Variants in DHX34 observed in about 807,000 individuals in gnomAD.
DHX34 encodes the protein DExH-box helicase 34, also known as probable ATP-dependent RNA helicase DHX34.
DHX34 carries 96 observed loss-of-function variants against 111.1 expected under a neutral mutation model. That is an observed-to-expected ratio of 0.86 (90% confidence interval 0.73 to 1.02). The LOEUF is 1.02. Among genes scored for constraint, DHX34 ranks in the 50% least tolerant of loss-of-function variants. DHX34 has a pLI of 0.00. For missense variants in DHX34, 1,560 were observed against 1,579.9 expected, an observed-to-expected ratio of 0.99 and a Z score of 0.21; for synonymous variants, 688 against 670.4, an observed-to-expected ratio of 1.03 and a Z score of -0.41.
intron 3 of DHX34, chr19:47,357,627 A>AC (rs1969495167): frequency 4.0e-6 from 2 of 505,206 alleles, no homozygotes; most frequent in African/African-American, 2.1e-5. Flanking sequence ...ATCCAGACTG[A>AC]AATGTCAATC....
At chr19:47,371,820 G>C (rs886537389) in intron 7 of DHX34, among the ~76,000 whole-genome samples, 1 of 151,884 alleles carries the variant, frequency 6.6e-6, no homozygotes, top group Admixed American at 6.6e-5. Flanking sequence ...GGCTGGTCTC[G>C]AACTCCTGAC....
chr19:47,377,160 CCAA>C lies in DHX34; in HGVS notation c.2664_2666del (p.Asn888del). 6.2e-7 allele frequency: 1 copy of C among 1,613,768 alleles called. No homozygotes were observed. The highest frequency in any genetic ancestry group is 1.1e-5 in the South Asian group (1 of 91,082). The stretch of plus-strand genomic sequence containing the variant: ...CTCAGCTTCGTGTCCCTGCTGGAGA[CCAA>C]CAAGCCGTACCTGGTGAACTGCGTC... On this transcript the variant is annotated inframe_deletion, in exon 13 of 17. Transcript: ENST00000328771.
chr19:47,357,815 T>G (rs770390926), intron 3 of DHX34, 51 bp from the exon 4 acceptor site: 3 of 1,576,354 alleles, frequency 1.9e-6, no homozygotes, highest in Non-Finnish European at 2.6e-6. Context: ...AGCCCATTGC[T>G]CTGAGCTGGA....
rs1163375866 is a variant in DHX34, at chr19:47,353,663, G to A, written c.633G>A (p.Gln211=). The change falls in exon 2 of 17, where the codon CAG becomes CAA. Residue 211 remains glutamine (Q), a synonymous_variant. Coordinates refer to ENST00000328771, the MANE Select transcript of DHX34 (RefSeq NM_014681.6). The surrounding 1 kb of genome is among the most constrained non-coding windows in gnomAD (Gnocchi z 4.6). ...AAGFSHVACT[Q]PRRIACISLA... ...GCTTCAGTCATGTGGCGTGCACCCAGCCCCGGCGGATCGCCTGCATCTCAC... is the reference window on the plus strand; with the variant it reads ...GCTTCAGTCATGTGGCGTGCACCCAACCCCGGCGGATCGCCTGCATCTCAC... The A allele has an allele frequency of 1.2e-6, 2 of 1,612,768 alleles. No individual in the cohort carries two copies. Among genetic ancestry groups the A allele is most frequent in the Non-Finnish European group, 1.7e-6 (2 of 1,179,674 alleles).
At position 47,377,230 on chromosome 19, in the gene DHX34, C is replaced by T. The variant is rs376934234; in HGVS notation, c.2706+24C>T. 5.0e-5 allele frequency: 80 copies of T among 1,601,312 alleles called. No individual in the cohort carries two copies. The African/African-American group carries it at 8.5e-4, about 17-fold the overall frequency. On this transcript the variant is annotated intron_variant, in intron 13 of 16. Transcript: ENST00000328771. Reference sequence around the variant, plus strand: ...AGGTGGGCCTCTGCCCCACCCCGCCCCCATGCCCAGATATGAGAGCTGCGT... The same window carrying T: ...AGGTGGGCCTCTGCCCCACCCCGCCTCCATGCCCAGATATGAGAGCTGCGT...
Position 47,381,224 on chromosome 19 carries a change from C to CT in DHX34, c.3199dup (p.Trp1067LeufsTer21). On this transcript the variant is annotated frameshift_variant, in exon 16 of 17. Transcript: ENST00000328771. LOFTEE classifies it high-confidence loss of function. ...TGTACAGCGACTGTCTCCGAACCTT[C>CT]TGGACCTGCCCCCACTGTGGCCTGC... 1 of 1,614,138 alleles carries CT rather than the reference C, an allele frequency of 6.2e-7. No individual in the cohort carries two copies. Among genetic ancestry groups the CT allele is most frequent in the Non-Finnish European group, 8.5e-7 (1 of 1,179,976 alleles).
Position 47,381,283 on chromosome 19 carries a change from A to G in DHX34, c.3257A>G (p.His1086Arg). 3 of 1,613,862 alleles carry G rather than the reference A, an allele frequency of 1.9e-6. No homozygotes were observed. Among genetic ancestry groups the G allele is most frequent in the Non-Finnish European group, 2.5e-6 (3 of 1,179,904 alleles). The change falls in exon 16 of 17, where the codon CAT becomes CGT. Residue 1086 changes from histidine (H) to arginine (R), a missense_variant. His to Arg is a conservative substitution (Grantham distance 29). Coordinates refer to ENST00000328771, the MANE Select transcript of DHX34 (RefSeq NM_014681.6). ...APLTPLERIA[H>R]ENTCPQAPQD... The stretch of plus-strand genomic sequence containing the variant: ...CTCACGCCCCTGGAGCGCATCGCCC[A>G]TGAGAACACCTGCCCCCAGGCCCCA...
chr19:47,382,340 C>G lies in DHX34; in HGVS notation c.*227C>G, dbSNP rs866227222. ...CAGCAGCTGCCTTGTTAGTCCTCCC[C>G]AGGGTCTAGCTTTCCTTCTTCCTGC... On this transcript the variant is annotated 3_prime_UTR_variant, in exon 17 of 17. Transcript: ENST00000328771. 1.2e-4 allele frequency: 93 copies of G among 745,632 alleles called. No homozygotes were observed. The African/African-American group carries it at 1.5e-3, about 12-fold the overall frequency. 46.2% of individuals were successfully genotyped at this position (745,632 alleles called of 1,614,324 possible). A position where few individuals can be genotyped will look rare whatever the true frequency, so the allele number is the denominator to read the frequency against.
intron 7 of DHX34, among the ~76,000 whole-genome samples, chr19:47,368,040 A>G (rs1433307680): frequency 6.6e-6 from 1 of 151,972 alleles, no homozygotes; most frequent in Non-Finnish European, 1.5e-5. Context: ...ATTTTTTACC[A>G]TACGACGTCT....
chr19:47,359,610 C>T (rs1337828989), intron 4 of DHX34, among the ~76,000 whole-genome samples: 4 of 151,582 alleles, frequency 2.6e-5, no homozygotes, highest in South Asian at 2.1e-4. Context: ...GGTGAGACCC[C>T]GTCTCTACTT....
intron 6 of DHX34, among the ~76,000 whole-genome samples, chr19:47,363,472 C>G (rs1292477086): frequency 6.6e-6 from 1 of 152,070 alleles, no homozygotes; most frequent in African/African-American, 2.4e-5. Context: ...CTGAGGGGAA[C>G]CCATCCCTTC....
chr19:47,380,676 G>A, intron 14 of DHX34, 140 bp from the exon 15 acceptor site: 1 of 1,474,396 alleles, frequency 6.8e-7, no homozygotes, highest in South Asian at 1.4e-5. Context: ...TGTGTCTGCA[G>A]CCAAATTGTG....
At position 47,372,714 on chromosome 19, in the gene DHX34, G is replaced by A. The variant is rs371891754; in HGVS notation, c.1769-16G>A. 137 of 1,564,922 alleles carry A rather than the reference G, an allele frequency of 8.8e-5. No individual in the cohort carries two copies. The highest frequency in any genetic ancestry group is 5.6e-4 in the African/African-American group (41 of 73,524). ...CCTGGCACCCAGGAGCCTCAACCCC[G>A]TGTCCGCCGCTGCAGGGAAGATGCT... On this transcript the variant is annotated splice_polypyrimidine_tract_variant and intron_variant, in intron 7 of 16. Transcript: ENST00000328771.
At chr19:47,356,553 C>T (rs1168799710) in intron 3 of DHX34, among the ~76,000 whole-genome samples, 3 of 151,724 alleles carry the variant, frequency 2.0e-5, no homozygotes, top group Non-Finnish European at 4.4e-5. Context: ...TTGCTTGAAC[C>T]CGGAGGTCGA....
rs865866258 is a variant in DHX34 at position 47,365,243 on chromosome 19, T to A, written c.1594-1738T>A. On this transcript the variant is annotated intron_variant, in intron 6 of 16. Transcript: ENST00000328771. ...CTAATGTAAAGGTTATTTATTTATT[T>A]ATTTATTTATTTATTTATTTATTTT... 3.2e-3 allele frequency among the ~76,000 whole-genome samples: 482 copies of A among 151,536 alleles called. 4 individuals are homozygous for A. The highest frequency in any genetic ancestry group is 0.011 in the African/African-American group (454 of 41,298).
At chr19:47,368,096 A>G (rs1267086738) in intron 7 of DHX34, among the ~76,000 whole-genome samples, 2 of 150,104 alleles carry the variant, frequency 1.3e-5, no homozygotes, top group Non-Finnish European at 3.0e-5. Flanking sequence ...CTCAGTAGCC[A>G]TGTGTGGCCA....
chr19:47,360,396 A>G (rs1969593108), intron 5 of DHX34, among the ~76,000 whole-genome samples: 1 of 152,126 alleles, frequency 6.6e-6, no homozygotes, highest in Admixed American at 6.6e-5. Context: ...CAGAATTGGG[A>G]TGCTGGAAGA....
At chr19:47,374,534 C>T (rs1970073561) in intron 9 of DHX34, among the ~76,000 whole-genome samples, 1 of 152,020 alleles carries the variant, frequency 6.6e-6, no homozygotes, top group Non-Finnish European at 1.5e-5. Context: ...GCAGACAGAC[C>T]TGCTGTTAGG....
At chr19:47,357,699 G>A (rs1969496559) in intron 3 of DHX34, 167 bp from the exon 4 acceptor site, 2 of 965,548 alleles carry the variant, frequency 2.1e-6, no homozygotes, top group Non-Finnish European at 2.5e-6. Context: ...GAGAAGCCTG[G>A]ATCCCTGAAT....
Sources: gnomAD v4.1 joint callset for allele counts (sites outside exome capture counted in the v4.1 genomes callset) on GRCh38, gnomAD v4.1.1 for gene constraint, Gnocchi (gnomAD v3.1) non-coding constraint, MANE v1.5 for transcripts, NCBI Gene and HGNC (gene_info 2026-07-23, HGNC 2026-07-21) for gene names.